The following NFIB variants were observed in gnomAD, a reference collection of about 807,000 sequenced individuals.
NFIB encodes nuclear factor 1 B-type.
In NFIB, 11 loss-of-function variants were observed where a neutral mutation model predicts 61.5. The observed-to-expected ratio is 0.18, with a 90% CI of 0.11 to 0.30. The LOEUF (loss-of-function observed/expected upper bound fraction) is 0.30. NFIB is among the 10% of genes least tolerant of loss of function. The probability of loss-of-function intolerance (pLI) is 1.00; values close to 1 mark genes in which losing one functional copy is unlikely to be tolerated. For missense variants in NFIB, 471 were observed against 608.9 expected (o/e 0.77, Z 2.38); for synonymous variants, 260 against 216.5 (o/e 1.20, Z -1.76).
the NFIB span, among the ~76,000 whole-genome samples, chr9:14,507,971 A>AAC: frequency 0.013 from 1,647 of 129,118 alleles, 25 homozygotes; most frequent in African/African-American, 0.04. Context: ...GACACACACA[A>AAC]ACACACACAC....
intron 2 of NFIB, among the ~76,000 whole-genome samples, chr9:14,199,237 G>T (rs1426529951): frequency 1.3e-5 from 2 of 152,178 alleles, no homozygotes; most frequent in East Asian, 3.9e-4. Context: ...TTGTGTTCTG[G>T]CAGCTCCCTG....
At chr9:14,472,869 T>C in the NFIB span, among the ~76,000 whole-genome samples, 7 of 151,692 alleles carry the variant, frequency 4.6e-5, no homozygotes, top group Non-Finnish European at 7.4e-5. Context: ...AAAAAAAGGA[T>C]TGGTCTGCAA....
intron 1 of NFIB, among the ~76,000 whole-genome samples, chr9:14,392,837 C>A (rs1209452455): frequency 1.3e-5 from 2 of 152,188 alleles, no homozygotes; most frequent in African/African-American, 4.8e-5. Flanking sequence ...ATGCTAATAC[C>A]TGGCAACTAT....
intron 2 of NFIB, among the ~76,000 whole-genome samples, chr9:14,269,609 T>C (rs764707501): frequency 6.6e-6 from 1 of 152,212 alleles, no homozygotes; most frequent in Non-Finnish European, 1.5e-5. Context: ...CACATATATG[T>C]CTGAACCTAA....
chr9:14,204,952 C>G lies in NFIB; in HGVS notation c.563-25172G>C, dbSNP rs189393543. On this transcript the variant is annotated intron_variant, in intron 2 of 10. Coordinates refer to ENST00000380953, the MANE Select transcript of NFIB (RefSeq NM_001190737.2). ...ACAGAGCCAATGAGATCCGTCATCA[C>G]TGGGGAGGCAATGTCCTGGGTCCCA... 8.2e-4 allele frequency: 274 copies of G among 334,682 alleles called. 1 individual carries two copies. The highest frequency in any genetic ancestry group is 1.7e-3 in the Admixed American group (53 of 30,316). The allele number at this position is 334,682 out of a possible 1,614,324, so 20.7% of individuals were successfully genotyped here. A position where few individuals can be genotyped will look rare whatever the true frequency, so the allele number is the denominator to read the frequency against.
the NFIB span, among the ~76,000 whole-genome samples, chr9:14,511,651 T>C: frequency 6.6e-6 from 1 of 152,202 alleles, no homozygotes; most frequent in East Asian, 1.9e-4. Flanking sequence ...CCACACACTA[T>C]GACTGGTCTT....
chr9:14,442,494 G>C, the NFIB span, among the ~76,000 whole-genome samples: 1 of 152,136 alleles, frequency 6.6e-6, no homozygotes, highest in African/African-American at 2.4e-5. Flanking sequence ...TTCAACAGCA[G>C]AGACCGATCG....
chr9:14,252,299 C>T (rs973743364), intron 2 of NFIB, among the ~76,000 whole-genome samples: 7 of 152,134 alleles, frequency 4.6e-5, no homozygotes, highest in Non-Finnish European at 8.8e-5. Context: ...TAATATTCCT[C>T]ATTACTTCTA....
intron 2 of NFIB, among the ~76,000 whole-genome samples, chr9:14,268,171 A>C (rs971785945): frequency 2.0e-5 from 3 of 152,120 alleles, no homozygotes; most frequent in Admixed American, 6.6e-5. Context: ...GGAGAAGACA[A>C]AGATAATATT....
the NFIB span, among the ~76,000 whole-genome samples, chr9:14,472,028 G>A: frequency 6.6e-6 from 1 of 152,116 alleles, no homozygotes; most frequent in Non-Finnish European, 1.5e-5. Flanking sequence ...ACTGCCCTTG[G>A]CACTCCTGTA....
At chr9:14,189,153 C>T (rs2047672683) in intron 2 of NFIB, among the ~76,000 whole-genome samples, 1 of 152,228 alleles carries the variant, frequency 6.6e-6, no homozygotes, top group South Asian at 2.1e-4. Context: ...AAATCCCACA[C>T]ATACAACACT....
chr9:14,397,733 A>G (rs1275052074), intron 1 of NFIB, among the ~76,000 whole-genome samples: 4 of 152,212 alleles, frequency 2.6e-5, no homozygotes, highest in African/African-American at 9.7e-5. Flanking sequence ...TACCCCACTG[A>G]GGTGTTCTGA....
At chr9:14,170,114 G>A (rs1335569881) in intron 3 of NFIB, among the ~76,000 whole-genome samples, 2 of 152,106 alleles carry the variant, frequency 1.3e-5, no homozygotes, top group African/African-American at 2.4e-5. Context: ...TTGCCTTAGT[G>A]CCTGGACAGT....
chr9:14,124,584 C>T (rs1401163634), intron 7 of NFIB, among the ~76,000 whole-genome samples: 2 of 152,054 alleles, frequency 1.3e-5, no homozygotes, highest in Non-Finnish European at 2.9e-5. Flanking sequence ...TGAGGAAGTG[C>T]CTAACTATAA....
chr9:14,456,456 T>A, the NFIB span, among the ~76,000 whole-genome samples: 1 of 152,152 alleles, frequency 6.6e-6, no homozygotes, highest in Admixed American at 6.6e-5. Context: ...ATAATTAATT[T>A]CTCTAATATC....
At chr9:14,338,916 C>T (rs979522876) in intron 1 of NFIB, among the ~76,000 whole-genome samples, 1 of 151,420 alleles carries the variant, frequency 6.6e-6, no homozygotes, top group Non-Finnish European at 1.5e-5. Context: ...TTTCCGTCTA[C>T]TGTCACCAAT....
chr9:14,408,968 C>G, the NFIB span, among the ~76,000 whole-genome samples: 1 of 152,114 alleles, frequency 6.6e-6, no homozygotes, highest in African/African-American at 2.4e-5. Context: ...ATGGCAAAAT[C>G]TGGGTTTAAA....
chr9:14,389,916 A>G (rs1270585298), intron 1 of NFIB, among the ~76,000 whole-genome samples: 1 of 152,208 alleles, frequency 6.6e-6, no homozygotes, highest in Admixed American at 6.5e-5. Flanking sequence ...CAGTTGTGTC[A>G]TGGATAAACA....
chr9:14,425,019 G>A, the NFIB span, among the ~76,000 whole-genome samples: 1 of 152,170 alleles, frequency 6.6e-6, no homozygotes, highest in South Asian at 2.1e-4. Flanking sequence ...AAGGAGTAGT[G>A]AGTAAATATG....
Sources: allele counts gnomAD v4.1 joint callset (sites outside exome capture counted in the v4.1 genomes callset), GRCh38; gene constraint gnomAD v4.1.1; transcripts MANE v1.5; gene names NCBI Gene and HGNC (gene_info 2026-07-23, HGNC 2026-07-21).